NRXN3: variants seen among roughly 807,000 people sequenced by gnomAD.
NRXN3 encodes the protein neurexin III.
NRXN3 carries 32 observed loss-of-function variants against 137.6 expected under a neutral mutation model. The observed-to-expected ratio is 0.23, with a 90% CI of 0.18 to 0.31. The LOEUF (loss-of-function observed/expected upper bound fraction) is 0.31, where lower values mean the gene tolerates loss of function less well. Among genes scored for constraint, NRXN3 ranks in the 10% least tolerant of loss-of-function variants. The probability of loss-of-function intolerance (pLI) is 1.00; values close to 1 mark genes in which losing one functional copy is unlikely to be tolerated. For synonymous variants in NRXN3, 798 were observed against 784.5 expected, an observed-to-expected ratio of 1.02 and a Z score of -0.29; for missense variants, 1,574 against 2,062.5, an observed-to-expected ratio of 0.76 and a Z score of 4.59.
intron 8 of NRXN3, among the ~76,000 whole-genome samples, chr14:78,749,332 A>G (rs2098629944): frequency 6.6e-6 from 1 of 152,206 alleles, no homozygotes; most frequent in Admixed American, 6.5e-5. Flanking sequence ...AACAATGCCC[A>G]TAGATTGCCT....
chr14:79,389,768 T>C (rs2094777930), intron 15 of NRXN3, among the ~76,000 whole-genome samples: 1 of 152,192 alleles, frequency 6.6e-6, no homozygotes, highest in Non-Finnish European at 1.5e-5. Context: ...CTCTGTAGCA[T>C]GCTGAATTAA....
intron 8 of NRXN3, among the ~76,000 whole-genome samples, chr14:78,778,793 TTTCTTTC>T (rs1491426377): frequency 6.9e-6 from 1 of 144,394 alleles, no homozygotes; most frequent in South Asian, 2.2e-4. Flanking sequence ...TCTTTCTTTC[TTTCTTTC>T]TTTCTTTCTT....
chr14:78,568,822 C>T (rs2096860570), intron 4 of NRXN3, among the ~76,000 whole-genome samples: 1 of 152,294 alleles, frequency 6.6e-6, no homozygotes, highest in African/African-American at 2.4e-5. Context: ...GGAGACACTG[C>T]TATAGGGTAG....
At chr14:79,103,945 G>T (rs1472746854) in intron 15 of NRXN3, among the ~76,000 whole-genome samples, 2 of 152,066 alleles carry the variant, frequency 1.3e-5, no homozygotes, top group Non-Finnish European at 2.9e-5. Flanking sequence ...ACAAGCAATA[G>T]ACACATGTTC....
intron 15 of NRXN3, among the ~76,000 whole-genome samples, chr14:79,243,750 A>G (rs1295703299): frequency 6.6e-6 from 1 of 152,160 alleles, no homozygotes; most frequent in Non-Finnish European, 1.5e-5. Flanking sequence ...GTGTCTGGAT[A>G]TATCTAAACA....
chr14:78,713,833 G>A (rs2098419976), intron 7 of NRXN3, among the ~76,000 whole-genome samples: 1 of 152,194 alleles, frequency 6.6e-6, no homozygotes, highest in African/African-American at 2.4e-5. Flanking sequence ...GAACAACATG[G>A]AGGTAATGTC....
chr14:79,254,548 C>T (rs1754553772), intron 15 of NRXN3, among the ~76,000 whole-genome samples: 1 of 152,152 alleles, frequency 6.6e-6, no homozygotes, highest in Admixed American at 6.5e-5. Flanking sequence ...CAAAGCTTTG[C>T]TCACTTATGT....
At chr14:78,450,519 G>T (rs1224012100) in intron 4 of NRXN3, among the ~76,000 whole-genome samples, 2 of 152,012 alleles carry the variant, frequency 1.3e-5, no homozygotes, top group Non-Finnish European at 2.9e-5. Flanking sequence ...GATGATTTTC[G>T]CACGCTTTAC....
chr14:78,917,563 G>A (rs765144992), intron 10 of NRXN3, among the ~76,000 whole-genome samples: 5 of 152,202 alleles, frequency 3.3e-5, no homozygotes, highest in Admixed American at 6.5e-5. Flanking sequence ...TTAGGTGTCA[G>A]GCATCTATAG....
intron 15 of NRXN3, among the ~76,000 whole-genome samples, chr14:79,100,907 T>TAAATAAAA (rs2051162452): frequency 6.6e-6 from 1 of 152,110 alleles, no homozygotes. Context: ...GGTCCAAAAC[T>TAAATAAAA]AAATAAAAAA....
chr14:78,985,471 G>A (rs2099500973), intron 14 of NRXN3, among the ~76,000 whole-genome samples: 1 of 152,150 alleles, frequency 6.6e-6, no homozygotes, highest in African/African-American at 2.4e-5. Flanking sequence ...ACAACAAAGC[G>A]GGAGAATTAT....
chr14:78,742,330 C>T (rs1239568257), intron 8 of NRXN3, among the ~76,000 whole-genome samples: 3 of 152,122 alleles, frequency 2.0e-5, no homozygotes, highest in Non-Finnish European at 2.9e-5. Flanking sequence ...ATTGTTTTAC[C>T]TCAGGTTTTG....
intron 6 of NRXN3, among the ~76,000 whole-genome samples, chr14:78,666,035 A>G (rs1241541453): frequency 6.6e-6 from 1 of 152,114 alleles, no homozygotes; most frequent in Non-Finnish European, 1.5e-5. Context: ...TCTCCCTTTC[A>G]ACTTCCGAAT....
intron 15 of NRXN3, among the ~76,000 whole-genome samples, chr14:79,304,486 G>T (rs926991878): frequency 1.3e-5 from 2 of 152,028 alleles, no homozygotes; most frequent in Non-Finnish European, 2.9e-5. Flanking sequence ...CATGAATTGG[G>T]CAGCTCCAAA....
intron 5 of NRXN3, among the ~76,000 whole-genome samples, chr14:78,647,581 T>C (rs2097699748): frequency 1.3e-5 from 2 of 152,230 alleles, no homozygotes; most frequent in African/African-American, 4.8e-5. Flanking sequence ...TTCTCTGTTC[T>C]AGACAGGGAT....
intron 16 of NRXN3, among the ~76,000 whole-genome samples, chr14:79,500,725 T>G (rs566601026): frequency 5.3e-5 from 8 of 152,304 alleles, no homozygotes; most frequent in African/African-American, 1.7e-4. Flanking sequence ...ATCTGCCTCC[T>G]CTGTGGGTTG....
intron 15 of NRXN3, among the ~76,000 whole-genome samples, chr14:79,152,240 G>C (rs1335661527): frequency 6.6e-6 from 1 of 152,044 alleles, no homozygotes; most frequent in Admixed American, 6.6e-5. Context: ...CAGTCAACTA[G>C]TTAGAAACCA....
At position 79,861,242 on chromosome 14, in the gene NRXN3, G is replaced by A. The variant is rs969254493; in HGVS notation, c.4094-100G>A. 7.2e-6 allele frequency: 11 copies of A among 1,535,494 alleles called. No individual in the cohort carries two copies. In the Admixed American group the frequency reaches 1.6e-4, roughly 22 times the overall value. ...AGGCAGCGATGGTTGTGATGATGAT[G>A]GCTTGGTGATATCTGGGTATGGCTC... On this transcript the variant is annotated intron_variant, in intron 20 of 20. Transcript: ENST00000335750. This position sits in a 1 kb window ranked among gnomAD's most constrained non-coding sequence, Gnocchi z 5.4.
At chr14:79,069,560 T>G (rs1336013004) in intron 15 of NRXN3, among the ~76,000 whole-genome samples, 5 of 11,934 alleles carry the variant, frequency 4.2e-4, no homozygotes, top group African/African-American at 1.5e-3. Context: ...GGTTGAAATT[T>G]TATAAAAAAA....
Sources: gnomAD v4.1 joint callset for allele counts (sites outside exome capture counted in the v4.1 genomes callset) on GRCh38, gnomAD v4.1.1 for gene constraint, Gnocchi (gnomAD v3.1) non-coding constraint, MANE v1.5 for transcripts, NCBI Gene and HGNC (gene_info 2026-07-23, HGNC 2026-07-21) for gene names.